The following GLIS3 variants were observed in gnomAD, a reference collection of about 807,000 sequenced individuals.
GLIS3 encodes the protein zinc finger protein GLIS3.
GLIS3 carries 53 observed loss-of-function variants against 78.6 expected under a neutral mutation model. That is an observed-to-expected ratio of 0.67 (90% CI 0.54 to 0.85). GLIS3 has a LOEUF of 0.85. GLIS3 is among the 40% of genes least tolerant of loss of function. The pLI, the probability that GLIS3 is intolerant of heterozygous loss-of-function variation, is 0.00. For missense variants in GLIS3, 1,703 were observed against 1,231.1 expected, an observed-to-expected ratio of 1.38 and a Z score of -5.74; for synonymous variants, 684 against 509.9, an observed-to-expected ratio of 1.34 and a Z score of -4.60.
intron 4 of GLIS3, among the ~76,000 whole-genome samples, chr9:4,037,246 G>A (rs186564983): frequency 1.3e-5 from 2 of 152,228 alleles, no homozygotes; most frequent in East Asian, 1.9e-4. Context: ...TAGCACAGGA[G>A]CCTAGCACGG....
the GLIS3 span, among the ~76,000 whole-genome samples, chr9:4,445,153 C>G: frequency 6.6e-6 from 1 of 152,180 alleles, no homozygotes; most frequent in Non-Finnish European, 1.5e-5. Flanking sequence ...GGATTTGTTT[C>G]TTTGCCTCAC....
chr9:4,188,127 G>A (rs997710003), intron 2 of GLIS3, among the ~76,000 whole-genome samples: 2 of 151,406 alleles, frequency 1.3e-5, no homozygotes, highest in Non-Finnish European at 3.0e-5. Context: ...GATATTGGCT[G>A]TGGGTTTGTC....
upstream of GLIS3, among the ~76,000 whole-genome samples, chr9:4,351,141 C>T (rs1009393459): frequency 2.0e-5 from 3 of 152,086 alleles, no homozygotes; most frequent in Admixed American, 2.0e-4. Flanking sequence ...TCTACACTTA[C>T]AGGGAGCTGG....
intron 2 of GLIS3, among the ~76,000 whole-genome samples, chr9:4,158,718 A>C (rs1274379353): frequency 6.6e-6 from 1 of 152,242 alleles, no homozygotes; most frequent in Non-Finnish European, 1.5e-5. Context: ...GACAAGTAAC[A>C]TTCCCCCATT....
chr9:4,450,427 G>C, the GLIS3 span, among the ~76,000 whole-genome samples: 4 of 152,162 alleles, frequency 2.6e-5, no homozygotes, highest in Admixed American at 2.0e-4. Context: ...ACACTCTGCA[G>C]GATATTATCC....
At chr9:3,955,494 G>A (rs903399998) in intron 4 of GLIS3, among the ~76,000 whole-genome samples, 1 of 152,110 alleles carries the variant, frequency 6.6e-6, no homozygotes, top group African/African-American at 2.4e-5. Flanking sequence ...AGAGGCTGTT[G>A]TGACACCACA....
chr9:4,110,786 T>C (rs1229208699), intron 4 of GLIS3, among the ~76,000 whole-genome samples: 1 of 152,088 alleles, frequency 6.6e-6, no homozygotes, highest in African/African-American at 2.4e-5. Context: ...TAGAAACTAA[T>C]AAATCTACCT....
intron 2 of GLIS3, among the ~76,000 whole-genome samples, chr9:4,173,913 AAC>A (rs61020862): frequency 0.42 from 62,131 of 146,754 alleles, 12,817 homozygotes; most frequent in South Asian, 0.5. Context: ...ACCCAGTTAA[AAC>A]ACACACACAC....
At chr9:4,297,998 C>T (rs1816720449) in intron 1 of GLIS3, among the ~76,000 whole-genome samples, 1 of 152,136 alleles carries the variant, frequency 6.6e-6, no homozygotes, top group East Asian at 1.9e-4. Flanking sequence ...GCTGCGACCC[C>T]GTCACTCCCC....
intron 2 of GLIS3, among the ~76,000 whole-genome samples, chr9:4,279,505 T>C (rs1462168170): frequency 6.6e-6 from 1 of 151,632 alleles, no homozygotes; most frequent in African/African-American, 2.4e-5. Context: ...AAAAACTCTT[T>C]TGTGTCACTT....
At chr9:3,851,251 T>G (rs911683858) in intron 9 of GLIS3, among the ~76,000 whole-genome samples, 4 of 152,192 alleles carry the variant, frequency 2.6e-5, no homozygotes, top group African/African-American at 9.7e-5. Flanking sequence ...GGCAACATTC[T>G]GAAGCTTGTC....
chr9:4,105,178 G>A (rs779596768), intron 4 of GLIS3, among the ~76,000 whole-genome samples: 1 of 152,002 alleles, frequency 6.6e-6, no homozygotes, highest in South Asian at 2.1e-4. Context: ...GAAAATGAAG[G>A]CAGAAACAAA....
At chr9:3,882,184 T>A (rs1199392034) in intron 7 of GLIS3, among the ~76,000 whole-genome samples, 1 of 151,924 alleles carries the variant, frequency 6.6e-6, no homozygotes, top group Non-Finnish European at 1.5e-5. Context: ...CAGCATCAGT[T>A]CATGTTCATT....
chr9:4,360,423 C>T, the GLIS3 span, among the ~76,000 whole-genome samples: 1 of 152,198 alleles, frequency 6.6e-6, no homozygotes, highest in Non-Finnish European at 1.5e-5. Flanking sequence ...ACAGATGTGA[C>T]TGATGGCCAG....
At chr9:3,835,147 A>G (rs1818274549) in intron 9 of GLIS3, among the ~76,000 whole-genome samples, 1 of 152,210 alleles carries the variant, frequency 6.6e-6, no homozygotes, top group Admixed American at 6.5e-5. Context: ...ATGGCCTTGC[A>G]AAACAAAATG....
At chr9:4,070,996 A>G (rs919583848) in intron 4 of GLIS3, 2 of 152,178 alleles carry the variant, frequency 1.3e-5, no homozygotes, top group African/African-American at 2.4e-5. Flanking sequence ...TCCTTTCACC[A>G]CTGAAGTCTT....
chr9:4,006,304 CA>C (rs71497513), intron 4 of GLIS3, among the ~76,000 whole-genome samples: 3,040 of 32,496 alleles, frequency 0.094, 20 homozygotes, highest in African/African-American at 0.2. Flanking sequence ...TCATATGTCT[CA>C]AAAAAAAAAA....
chr9:4,295,009 G>T (rs1414639220), intron 1 of GLIS3, among the ~76,000 whole-genome samples: 6 of 152,168 alleles, frequency 3.9e-5, no homozygotes, highest in Admixed American at 3.9e-4. Context: ...AATTACAGTT[G>T]CATGTTTCCT....
chr9:4,288,975 A>T (rs1828226327), intron 1 of GLIS3, among the ~76,000 whole-genome samples: 1 of 152,188 alleles, frequency 6.6e-6, no homozygotes, highest in Admixed American at 6.5e-5. Flanking sequence ...GTAAAAATAA[A>T]TTTCATCTAT....
Sources: gnomAD v4.1 joint callset for allele counts (sites outside exome capture counted in the v4.1 genomes callset) on GRCh38, gnomAD v4.1.1 for gene constraint, MANE v1.5 for transcripts, NCBI Gene and HGNC (gene_info 2026-07-23, HGNC 2026-07-21) for gene names.